Variants in KCNQ1 observed in about 807,000 individuals in gnomAD.
KCNQ1 encodes the protein potassium voltage-gated channel subfamily Q member 1, also known as potassium voltage-gated channel subfamily KQT member 1.
A neutral mutation model predicts 72.4 loss-of-function variants in KCNQ1; 49 were observed. The ratio of observed to expected loss-of-function variants is 0.68; its 90% CI spans 0.54 to 0.86. The LOEUF is 0.86. KCNQ1 is among the 40% of genes least tolerant of loss of function. KCNQ1 has a pLI of 0.00. For missense variants in KCNQ1, 790 were observed against 945.1 expected (o/e 0.84, Z 2.15); for synonymous variants, 450 against 412.6 (o/e 1.09, Z -1.10).
intron 15 of KCNQ1, among the ~76,000 whole-genome samples, chr11:2,832,095 C>T (rs1422089348): frequency 6.6e-6 from 1 of 152,120 alleles, no homozygotes; most frequent in South Asian, 2.1e-4. Context: ...TAGACTACCC[C>T]CAGCCTTCCT....
rs1003316683 is a variant in KCNQ1, at chr11:2,544,141, A to G, written c.477+16123A>G. 6.6e-6 allele frequency among the ~76,000 whole-genome samples: 1 copy of G among 151,966 alleles called. No individual in the cohort carries two copies. Among genetic ancestry groups the G allele is most frequent in the Non-Finnish European group, 1.5e-5 (1 of 68,006 alleles). ...AAAGCCTGGTAGAATTTTGTTTGGG[A>G]TTGCATTCAACCTAAAGATCAACAT... On this transcript the variant is annotated intron_variant, in intron 2 of 15. Transcript: ENST00000155840. The surrounding 1 kb of genome is among the most constrained non-coding windows in gnomAD (Gnocchi z 4.4).
intron 1 of KCNQ1, among the ~76,000 whole-genome samples, chr11:2,472,028 TTG>T (rs368949830): frequency 4.1e-4 from 60 of 147,684 alleles, no homozygotes; most frequent in African/African-American, 6.3e-4. Flanking sequence ...GTATGTATGG[TTG>T]TGTGTGTATA....
Position 2,687,593 on chromosome 11 carries a change from A to G in KCNQ1, c.1514+25512A>G. On this transcript the variant is annotated intron_variant, in intron 11 of 15. Transcript: ENST00000155840. The surrounding 1 kb of genome is among the most constrained non-coding windows in gnomAD (Gnocchi z 5.0). Reference sequence around the variant, plus strand: ...CCCCTGTCAAGGAGGTGTGACTGAGAAAGGAAGGGGCAGAGATCCCTTCTC... The same window carrying G: ...CCCCTGTCAAGGAGGTGTGACTGAGGAAGGAAGGGGCAGAGATCCCTTCTC... 1 of 398,700 alleles carries G rather than the reference A, an allele frequency of 2.5e-6. No individual in the cohort carries two copies. The highest frequency in any genetic ancestry group is 4.4e-6 in the Non-Finnish European group (1 of 226,146). The allele number at this position is 398,700 out of a possible 1,614,324, so 24.7% of individuals were successfully genotyped here.
rs983683085 is a variant in KCNQ1, at chr11:2,495,976, C to A, written c.387-31952C>A. Among the ~76,000 whole-genome samples the A allele has an allele frequency of 3.3e-5, 5 of 152,154 alleles. No homozygotes were observed. Among genetic ancestry groups the A allele is most frequent in the Non-Finnish European group, 7.3e-5 (5 of 68,044 alleles). On this transcript the variant is annotated intron_variant, in intron 1 of 15. Coordinates refer to ENST00000155840, the MANE Select transcript of KCNQ1 (RefSeq NM_000218.3). The surrounding 1 kb of genome is among the most constrained non-coding windows in gnomAD (Gnocchi z 4.6). ...ACTGTTATTGAGTAGGAATATAAGT[C>A]TCTTTGTAGGTCTCTAAGAACTTGT...
In KCNQ1 at chr11:2,579,745, C is replaced by T. The variant is rs189828453; in HGVS notation, c.922-3690C>T. Among the ~76,000 whole-genome samples, 32 of 152,224 alleles carry T rather than the reference C, an allele frequency of 2.1e-4. No homozygotes were observed. The highest frequency in any genetic ancestry group is 3.5e-4 in the Non-Finnish European group (24 of 68,018). ...CTGGGGCTGGCCTTTCTCTCCCTCT[C>T]GGGGCACCCCTGCCTTCTACTGACC... On this transcript the variant is annotated intron_variant, in intron 6 of 15. Transcript: ENST00000155840. This position sits in a 1 kb window ranked among gnomAD's most constrained non-coding sequence, Gnocchi z 6.0.
rs190527118 is a variant in KCNQ1 at position 2,593,716 on chromosome 11, T to C, written c.1393+4862T>C. Reference sequence around the variant, plus strand: ...CAGCCTCACCTCTCACTTCTGCACTTGTGAGCCTGGTTCTCACAGGGTCAG... The same window carrying C: ...CAGCCTCACCTCTCACTTCTGCACTCGTGAGCCTGGTTCTCACAGGGTCAG... On this transcript the variant is annotated intron_variant, in intron 10 of 15. Transcript: ENST00000155840. The surrounding 1 kb of genome is among the most constrained non-coding windows in gnomAD (Gnocchi z 6.9). Among the ~76,000 whole-genome samples, 42 of 152,288 alleles carry C rather than the reference T, an allele frequency of 2.8e-4. No individual in the cohort carries two copies. Among genetic ancestry groups the C allele is most frequent in the African/African-American group, 8.7e-4 (36 of 41,570 alleles).
chr11:2,778,930 C>T (rs945213906), intron 15 of KCNQ1, among the ~76,000 whole-genome samples: 7 of 152,188 alleles, frequency 4.6e-5, no homozygotes, highest in Admixed American at 4.6e-4. Context: ...CGTCCTGGCC[C>T]CCAGGACCTG....
rs1848835199 is a variant in KCNQ1, at chr11:2,603,448, A to T, written c.1393+14594A>T. ...GTGAAGTGTGCCTGTGTATCCCCAG[A>T]GCTGTGCAACTGCCACTCCAGTTTG... On this transcript the variant is annotated intron_variant, in intron 10 of 15. Coordinates refer to ENST00000155840, the MANE Select transcript of KCNQ1 (RefSeq NM_000218.3). This position sits in a 1 kb window ranked among gnomAD's most constrained non-coding sequence, Gnocchi z 4.1. Among the ~76,000 whole-genome samples the T allele has an allele frequency of 6.6e-6, 1 of 152,122 alleles. No individual in the cohort carries two copies. Among genetic ancestry groups the T allele is most frequent in the Non-Finnish European group, 1.5e-5 (1 of 68,016 alleles).
At position 2,671,944 on chromosome 11, in the gene KCNQ1, C is replaced by T. The variant is rs1476002551; in HGVS notation, c.1514+9863C>T. 2.5e-6 allele frequency: 1 copy of T among 398,560 alleles called. No individual in the cohort carries two copies. Among genetic ancestry groups the T allele is most frequent in the Non-Finnish European group, 4.4e-6 (1 of 226,106 alleles). The allele number at this position is 398,560 out of a possible 1,614,324, so 24.7% of individuals were successfully genotyped here. Reference sequence around the variant, plus strand: ...TTCCTCAGGCAGCTAGTCTCTGTATCTGGGGTAGAAAGAGTGGGCTAAAAA... The same window carrying T: ...TTCCTCAGGCAGCTAGTCTCTGTATTTGGGGTAGAAAGAGTGGGCTAAAAA... On this transcript the variant is annotated intron_variant, in intron 11 of 15. Coordinates refer to ENST00000155840, the MANE Select transcript of KCNQ1 (RefSeq NM_000218.3). The surrounding 1 kb of genome is among the most constrained non-coding windows in gnomAD (Gnocchi z 4.7).
At chr11:2,616,417 T>G in intron 10 of KCNQ1, 1 of 398,050 alleles carries the variant, frequency 2.5e-6, no homozygotes, top group East Asian at 3.6e-5. Context: ...TACATATTAT[T>G]TCATTCTCTC....
chr11:2,531,903 G>T (rs752374575), intron 2 of KCNQ1, among the ~76,000 whole-genome samples: 1 of 152,172 alleles, frequency 6.6e-6, no homozygotes, highest in South Asian at 2.1e-4. Flanking sequence ...TCCCTGTGAC[G>T]TTTAGGCTAC....
rs111531672 is a variant in KCNQ1, at chr11:2,592,049, C to A, written c.1393+3195C>A. Among the ~76,000 whole-genome samples the A allele has an allele frequency of 0.012, 1,888 of 152,370 alleles. 30 individuals carry two copies. The highest frequency in any genetic ancestry group is 0.045 in the South Asian group (217 of 4,826). On this transcript the variant is annotated intron_variant, in intron 10 of 15. Coordinates refer to ENST00000155840, the MANE Select transcript of KCNQ1 (RefSeq NM_000218.3). The surrounding 1 kb of genome is among the most constrained non-coding windows in gnomAD (Gnocchi z 5.2). ...CACTGAGTCCCCCGCAAAGTCAAAC[C>A]CAGGCCTCGACCTTGTCTGGCTGTG...
intron 10 of KCNQ1, chr11:2,629,836 A>C: frequency 2.5e-6 from 1 of 397,698 alleles, no homozygotes; most frequent in East Asian, 3.6e-5. Context: ...TGGAGTCTGT[A>C]GCATTTTCTA....
rs964709959 is a variant in KCNQ1, at chr11:2,626,493, C to G, written c.1394-35468C>G. On this transcript the variant is annotated intron_variant, in intron 10 of 15. Transcript: ENST00000155840. This position sits in a 1 kb window ranked among gnomAD's most constrained non-coding sequence, Gnocchi z 4.0. Reference sequence around the variant, plus strand: ...TGGTCTCTACATCTTTATGTCAATACCACATAGTTTTGATTACTGTAGCTT... The same window carrying G: ...TGGTCTCTACATCTTTATGTCAATAGCACATAGTTTTGATTACTGTAGCTT... 2.5e-6 allele frequency: 1 copy of G among 398,440 alleles called. No homozygotes were observed. The highest frequency in any genetic ancestry group is 4.4e-6 in the Non-Finnish European group (1 of 226,086). 24.7% of individuals were successfully genotyped at this position (398,440 alleles called of 1,614,324 possible).
Position 2,712,255 on chromosome 11 carries a change from G to A in KCNQ1, c.1514+50174G>A, listed in dbSNP as rs954545037. On this transcript the variant is annotated intron_variant, in intron 11 of 15. Transcript: ENST00000155840. This position sits in a 1 kb window ranked among gnomAD's most constrained non-coding sequence, Gnocchi z 6.4. ...CTGGGTGCCCGGCCCTCTACTAGAT[G>A]TGGGAGTTACCGTGTGGGATGGACT... 1.3e-5 allele frequency among the ~76,000 whole-genome samples: 2 copies of A among 152,116 alleles called. No individual in the cohort carries two copies. Among genetic ancestry groups the A allele is most frequent in the Non-Finnish European group, 2.9e-5 (2 of 68,014 alleles).
Position 2,816,492 on chromosome 11 carries a change from G to T in KCNQ1, c.1795-31275G>T, listed in dbSNP as rs563840506. Among the ~76,000 whole-genome samples the T allele has an allele frequency of 1.1e-4, 17 of 152,168 alleles. No individual in the cohort carries two copies. The highest frequency in any genetic ancestry group is 2.4e-5 in the African/African-American group (1 of 41,450). ...GGACTGAGAATGGCTTCTGGGTTGTGCGTCATCGCTGTCCAGGAGTGGTGA... is the reference window on the plus strand; with the variant it reads ...GGACTGAGAATGGCTTCTGGGTTGTTCGTCATCGCTGTCCAGGAGTGGTGA... On this transcript the variant is annotated intron_variant, in intron 15 of 15. Transcript: ENST00000155840. The surrounding 1 kb of genome is among the most constrained non-coding windows in gnomAD (Gnocchi z 6.8).
At position 2,670,468 on chromosome 11, in the gene KCNQ1, G is replaced by A; in HGVS notation, c.1514+8387G>A. ...CTGAGACACACAGCCCACATCCTTGGTAGGTCCCTCAGAGAGCATCTAGTG... is the reference window on the plus strand; with the variant it reads ...CTGAGACACACAGCCCACATCCTTGATAGGTCCCTCAGAGAGCATCTAGTG... On this transcript the variant is annotated intron_variant, in intron 11 of 15. Transcript: ENST00000155840. The surrounding 1 kb of genome is among the most constrained non-coding windows in gnomAD (Gnocchi z 4.9). 1 of 397,648 alleles carries A rather than the reference G, an allele frequency of 2.5e-6. No individual in the cohort carries two copies. The highest frequency in any genetic ancestry group is 4.4e-6 in the Non-Finnish European group (1 of 225,872). 24.6% of individuals were successfully genotyped at this position (397,648 alleles called of 1,614,324 possible).
At chr11:2,694,079 C>T (rs2133895450) in intron 11 of KCNQ1, 2 of 398,694 alleles carry the variant, frequency 5.0e-6, no homozygotes, top group South Asian at 1.3e-4. Context: ...GTAGTTCCAA[C>T]TAAACCTCTG....
chr11:2,689,055 C>T, intron 11 of KCNQ1: 1 of 398,846 alleles, frequency 2.5e-6, no homozygotes, highest in Non-Finnish European at 4.4e-6. Flanking sequence ...GGGGCAGTTA[C>T]CTCCTCCTCC....
Sources: gnomAD v4.1 joint callset for allele counts (sites outside exome capture counted in the v4.1 genomes callset) on GRCh38, gnomAD v4.1.1 for gene constraint, Gnocchi (gnomAD v3.1) non-coding constraint, MANE v1.5 for transcripts, NCBI Gene and HGNC (gene_info 2026-07-23, HGNC 2026-07-21) for gene names.